CTNNA3: variants seen among roughly 807,000 people sequenced by gnomAD.
CTNNA3 encodes catenin alpha 3, also known as catenin alpha-3.
A neutral mutation model predicts 95.7 loss-of-function variants in CTNNA3; 76 were observed. The ratio of observed to expected loss-of-function variants is 0.79; its 90% CI spans 0.66 to 0.96. CTNNA3 has a LOEUF of 0.96. Among genes scored for constraint, CTNNA3 ranks in the 40% least tolerant of loss-of-function variants. CTNNA3 has a pLI of 0.00. For missense variants in CTNNA3, 1,191 were observed against 1,089.8 expected (o/e 1.09, Z -1.31); for synonymous variants, 431 against 374.4 (o/e 1.15, Z -1.74).
At chr10:66,327,482 T>C (rs1191516637) in intron 12 of CTNNA3, among the ~76,000 whole-genome samples, 4 of 152,084 alleles carry the variant, frequency 2.6e-5, no homozygotes, top group East Asian at 1.9e-4. Context: ...ATTAAGGTGT[T>C]AAGGACCTAA....
At chr10:66,796,656 A>G (rs1841204127) in intron 7 of CTNNA3, among the ~76,000 whole-genome samples, 1 of 152,148 alleles carries the variant, frequency 6.6e-6, no homozygotes, top group Non-Finnish European at 1.5e-5. Context: ...CCAAAGTGCA[A>G]TAAAGTGAAA....
At chr10:66,851,865 T>A (rs1249677920) in intron 7 of CTNNA3, among the ~76,000 whole-genome samples, 1 of 152,116 alleles carries the variant, frequency 6.6e-6, no homozygotes, top group East Asian at 1.9e-4. Flanking sequence ...AACGTACTAA[T>A]ACACCAATTA....
At chr10:66,559,545 C>T (rs962099320) in intron 10 of CTNNA3, among the ~76,000 whole-genome samples, 2 of 151,996 alleles carry the variant, frequency 1.3e-5, no homozygotes, top group Non-Finnish European at 2.9e-5. Flanking sequence ...ACACCCCCCA[C>T]ACCCACCTCC....
intron 1 of CTNNA3, among the ~76,000 whole-genome samples, chr10:67,657,167 C>T (rs925276463): frequency 2.6e-5 from 4 of 152,006 alleles, no homozygotes; most frequent in African/African-American, 4.8e-5. Context: ...TTAAGTTTTT[C>T]GATCTGGAGC....
At chr10:66,884,468 ATT>A (rs1329737739) in intron 7 of CTNNA3, among the ~76,000 whole-genome samples, 1 of 152,086 alleles carries the variant, frequency 6.6e-6, no homozygotes, top group Admixed American at 6.6e-5. Context: ...TCAAAAGGAT[ATT>A]TCACAAACCC....
intron 7 of CTNNA3, among the ~76,000 whole-genome samples, chr10:67,150,749 G>A (rs1861048890): frequency 6.6e-6 from 1 of 152,052 alleles, no homozygotes; most frequent in African/African-American, 2.4e-5. Context: ...AATAAGACAT[G>A]GACAGATTCC....
At chr10:67,705,302 C>A (rs1360855760) in intron 1 of CTNNA3, among the ~76,000 whole-genome samples, 2 of 152,006 alleles carry the variant, frequency 1.3e-5, no homozygotes, top group Non-Finnish European at 2.9e-5. Context: ...GACTATAAAT[C>A]ATGCTGCTAT....
At chr10:66,277,265 T>C (rs2132149058) in intron 13 of CTNNA3, among the ~76,000 whole-genome samples, 1 of 152,226 alleles carries the variant, frequency 6.6e-6, no homozygotes, top group Admixed American at 6.5e-5. Context: ...AGTTAGTATT[T>C]TATTGTTTCA....
intron 2 of CTNNA3, among the ~76,000 whole-genome samples, chr10:67,637,490 T>A (rs1419153471): frequency 2.0e-5 from 3 of 152,078 alleles, no homozygotes; most frequent in Non-Finnish European, 4.4e-5. Flanking sequence ...CAGGCCAACA[T>A]TCAAATTCAG....
chr10:66,103,363 A>G (rs1031608773), intron 13 of CTNNA3, 114 bp from the exon 14 acceptor site: 2 of 747,762 alleles, frequency 2.7e-6, no homozygotes, highest in African/African-American at 3.5e-5. Context: ...TGACCCAGCA[A>G]TTTCACTCCC....
chr10:66,868,125 G>A (rs1218701096), intron 7 of CTNNA3, among the ~76,000 whole-genome samples: 1 of 150,384 alleles, frequency 6.6e-6, no homozygotes, highest in Non-Finnish European at 1.5e-5. Context: ...GGGAGGCTGA[G>A]ACAGGTGGAT....
intron 1 of CTNNA3, among the ~76,000 whole-genome samples, chr10:67,712,672 C>T (rs544883484): frequency 6.6e-6 from 1 of 152,350 alleles, no homozygotes; most frequent in African/African-American, 2.4e-5. Context: ...CTGACAAAAA[C>T]AAGCAATGGG....
At chr10:67,090,661 A>G (rs10822974) in intron 7 of CTNNA3, among the ~76,000 whole-genome samples, 81,718 of 151,868 alleles carry the variant, frequency 0.54, 22,885 homozygotes, top group African/African-American at 0.7. Context: ...TCCAGCATGT[A>G]GTATAGTACC....
chr10:66,643,134 A>C (rs750297671), intron 9 of CTNNA3, among the ~76,000 whole-genome samples: 2 of 152,316 alleles, frequency 1.3e-5, no homozygotes, highest in Admixed American at 1.3e-4. Context: ...ACAAATCATC[A>C]CACAGTTTAG....
At chr10:66,454,192 C>A (rs960876074) in intron 11 of CTNNA3, among the ~76,000 whole-genome samples, 5 of 152,170 alleles carry the variant, frequency 3.3e-5, no homozygotes, top group Admixed American at 6.5e-5. Flanking sequence ...CTTGCTGACA[C>A]CTTGATTTAG....
At chr10:67,617,881 T>C (rs1843705191) in intron 2 of CTNNA3, among the ~76,000 whole-genome samples, 1 of 152,086 alleles carries the variant, frequency 6.6e-6, no homozygotes, top group African/African-American at 2.4e-5. Flanking sequence ...CTTTTTCTCA[T>C]ATGCTTGTTG....
At chr10:67,690,944 C>T (rs1355169873) in intron 1 of CTNNA3, among the ~76,000 whole-genome samples, 1 of 152,164 alleles carries the variant, frequency 6.6e-6, no homozygotes, top group Non-Finnish European at 1.5e-5. Flanking sequence ...GATGCCGAGC[C>T]GAAGCTGGAC....
At chr10:66,380,625 C>CTATCTA (rs777137490) in intron 11 of CTNNA3, among the ~76,000 whole-genome samples, 7,002 of 122,668 alleles carry the variant, frequency 0.057, 221 homozygotes, top group East Asian at 0.14. Flanking sequence ...ATCTATCTAT[C>CTATCTA]TATATATATA....
At chr10:67,390,668 C>A (rs1334962995) in intron 5 of CTNNA3, among the ~76,000 whole-genome samples, 2 of 150,024 alleles carry the variant, frequency 1.3e-5, no homozygotes, top group African/African-American at 4.9e-5. Context: ...AAAATACTGG[C>A]AAAACGAATC....
Sources: gnomAD v4.1 joint callset for allele counts (sites outside exome capture counted in the v4.1 genomes callset) on GRCh38, gnomAD v4.1.1 for gene constraint, MANE v1.5 for transcripts, NCBI Gene and HGNC (gene_info 2026-07-23, HGNC 2026-07-21) for gene names.